HHAT: variants seen among roughly 807,000 people sequenced by gnomAD.
HHAT encodes protein-cysteine N-palmitoyltransferase HHAT.
In HHAT, 47 loss-of-function variants were observed where a neutral mutation model predicts 70.8. The observed-to-expected ratio is 0.66, with a 90% confidence interval of 0.53 to 0.85. The LOEUF is 0.85. HHAT is among the 40% of genes least tolerant of loss of function. HHAT has a pLI of 0.00. For missense variants in HHAT, 609 were observed against 604.8 expected (o/e 1.01, Z -0.07); for synonymous variants, 228 against 247.6 (o/e 0.92, Z 0.74).
In HHAT at chr1:210,594,678, T is replaced by C. The variant is rs180745419; in HGVS notation, c.1245+6579T>C. On this transcript the variant is annotated intron_variant, in intron 10 of 11. Coordinates refer to ENST00000261458, the MANE Select transcript of HHAT (RefSeq NM_018194.6). Reference sequence around the variant, plus strand: ...CCTTCAGATGATTTCTTACTCCTTATTAACATCCTTTTCTTTCAGATTGAA... The same window carrying C: ...CCTTCAGATGATTTCTTACTCCTTACTAACATCCTTTTCTTTCAGATTGAA... 7.4e-4 allele frequency among the ~76,000 whole-genome samples: 113 copies of C among 152,322 alleles called. 2 individuals are homozygous for C. Among genetic ancestry groups the C allele is most frequent in the Middle Eastern group, 3.4e-3 (1 of 294 alleles).
At chr1:210,357,852 C>T (rs1246145987) in intron 2 of HHAT, among the ~76,000 whole-genome samples, 1 of 152,104 alleles carries the variant, frequency 6.6e-6, no homozygotes, top group Non-Finnish European at 1.5e-5. Flanking sequence ...TTAGCCATTT[C>T]TTAGTCTTCA....
intron 6 of HHAT, among the ~76,000 whole-genome samples, chr1:210,409,706 G>C (rs2092460345): frequency 1.3e-5 from 2 of 152,206 alleles, no homozygotes; most frequent in African/African-American, 4.8e-5. Context: ...TGAAGAAAAA[G>C]AACCTTTCAT....
intron 7 of HHAT, among the ~76,000 whole-genome samples, chr1:210,420,939 G>A (rs1012208530): frequency 6.6e-6 from 1 of 152,106 alleles, no homozygotes; most frequent in Non-Finnish European, 1.5e-5. Flanking sequence ...AATAAGTATT[G>A]TGGGCAGTAT....
At chr1:210,542,202 T>C (rs908132404) in intron 9 of HHAT, among the ~76,000 whole-genome samples, 1 of 152,164 alleles carries the variant, frequency 6.6e-6, no homozygotes, top group African/African-American at 2.4e-5. Flanking sequence ...TTATAGGTCT[T>C]GATTACTCTT....
chr1:210,641,607 G>T (rs1672980276), intron 11 of HHAT, among the ~76,000 whole-genome samples: 1 of 152,186 alleles, frequency 6.6e-6, no homozygotes, highest in South Asian at 2.1e-4. Flanking sequence ...CATTATGATT[G>T]ATGCATTAGA....
intron 4 of HHAT, 140 bp from the exon 5 acceptor site, chr1:210,400,328 G>C: frequency 1.3e-6 from 1 of 751,044 alleles, no homozygotes; most frequent in East Asian, 2.8e-5. Context: ...GCAGTGATAA[G>C]AGTTTCTTTA....
intron 11 of HHAT, among the ~76,000 whole-genome samples, chr1:210,646,122 GT>G (rs1303594461): frequency 6.6e-6 from 1 of 152,190 alleles, no homozygotes; most frequent in Non-Finnish European, 1.5e-5. Flanking sequence ...GAGTACTCTG[GT>G]AGTTGCTTTG....
chr1:210,572,881 G>A (rs1408263152), intron 9 of HHAT, among the ~76,000 whole-genome samples: 2 of 152,148 alleles, frequency 1.3e-5, no homozygotes, highest in Non-Finnish European at 2.9e-5. Context: ...GGGCAACAGA[G>A]TGAGACCCCC....
chr1:210,510,858 G>C (rs559158596), intron 8 of HHAT, among the ~76,000 whole-genome samples: 1 of 152,076 alleles, frequency 6.6e-6, no homozygotes, highest in South Asian at 2.1e-4. Context: ...TATATACTGC[G>C]GATCTCTGTG....
At chr1:210,339,635 C>T (rs930254446) in intron 1 of HHAT, among the ~76,000 whole-genome samples, 2 of 152,102 alleles carry the variant, frequency 1.3e-5, no homozygotes, top group African/African-American at 4.8e-5. Context: ...CTTGTGTGAG[C>T]TGGCGCCAAA....
intron 3 of HHAT, among the ~76,000 whole-genome samples, chr1:210,367,429 G>A (rs2089107696): frequency 6.6e-6 from 1 of 152,290 alleles, no homozygotes; most frequent in Non-Finnish European, 1.5e-5. Flanking sequence ...GTGGGACAGT[G>A]TGTAGAGTCA....
At chr1:210,334,465 A>G (rs10489390) in intron 1 of HHAT, among the ~76,000 whole-genome samples, 12,768 of 151,942 alleles carry the variant, frequency 0.084, 611 homozygotes, top group African/African-American at 0.13. Context: ...CTGTTAGTGC[A>G]TTACTGATAG....
At chr1:210,365,334 T>TG in intron 3 of HHAT, among the ~76,000 whole-genome samples, 1 of 147,502 alleles carries the variant, frequency 6.8e-6, no homozygotes, top group African/African-American at 2.5e-5. Flanking sequence ...TTTTTTTTTT[T>TG]GAGACGGAGT....
intron 3 of HHAT, among the ~76,000 whole-genome samples, chr1:210,368,701 A>G (rs2089258120): frequency 6.6e-6 from 1 of 152,194 alleles, no homozygotes; most frequent in African/African-American, 2.4e-5. Context: ...CTTAGTACAG[A>G]ATAGATACAC....
intron 10 of HHAT, among the ~76,000 whole-genome samples, chr1:210,591,874 G>C (rs1661791900): frequency 6.6e-6 from 1 of 152,074 alleles, no homozygotes; most frequent in Non-Finnish European, 1.5e-5. Context: ...TTCTTAATCA[G>C]ATTATTAGGT....
At chr1:210,673,507 C>T (rs1381582663) in intron 11 of HHAT, among the ~76,000 whole-genome samples, 1 of 151,998 alleles carries the variant, frequency 6.6e-6, no homozygotes, top group African/African-American at 2.4e-5. Context: ...TTTACAGTGC[C>T]ACATGAGACT....
At chr1:210,567,615 A>G (rs931597054) in intron 9 of HHAT, among the ~76,000 whole-genome samples, 4 of 152,170 alleles carry the variant, frequency 2.6e-5, no homozygotes, top group Non-Finnish European at 5.9e-5. Flanking sequence ...TTTGTTTTAC[A>G]TTATTTCTCC....
chr1:210,433,022 T>C (rs1051805587), intron 7 of HHAT, among the ~76,000 whole-genome samples: 1 of 151,644 alleles, frequency 6.6e-6, no homozygotes, highest in Non-Finnish European at 1.5e-5. Flanking sequence ...ATCCAAAAGT[T>C]GCGGTTAAGT....
intron 9 of HHAT, among the ~76,000 whole-genome samples, chr1:210,531,975 A>G (rs2095319758): frequency 6.6e-6 from 1 of 152,212 alleles, no homozygotes; most frequent in African/African-American, 2.4e-5. Context: ...CCCAGGGGGA[A>G]GGTCCGACCT....
Sources: gnomAD v4.1 joint callset for allele counts (sites outside exome capture counted in the v4.1 genomes callset) on GRCh38, gnomAD v4.1.1 for gene constraint, MANE v1.5 for transcripts, NCBI Gene and HGNC (gene_info 2026-07-23, HGNC 2026-07-21) for gene names.